Variants in ENAM observed in about 807,000 individuals in gnomAD.
ENAM encodes the protein enamelin, also known as amelogenesis imperfecta 2, hypocalcification (autosomal dominant).
Under a neutral mutation model 33.6 loss-of-function variants are expected in ENAM, and 21 were observed. The observed-to-expected ratio is 0.63, with a 90% CI of 0.44 to 0.90. The LOEUF (loss-of-function observed/expected upper bound fraction) is 0.90. ENAM is among the 40% of genes least tolerant of loss of function. ENAM has a pLI of 0.00. For missense variants in ENAM, 1,388 were observed against 1,366.9 expected, an observed-to-expected ratio of 1.02 and a Z score of -0.24; for synonymous variants, 473 against 468.4, an observed-to-expected ratio of 1.01 and a Z score of -0.13.
At chr4:70,641,487 A>G (rs1242456602) in intron 8 of ENAM, among the ~76,000 whole-genome samples, 1 of 150,612 alleles carries the variant, frequency 6.6e-6, no homozygotes, top group Non-Finnish European at 1.5e-5. Context: ...TCCTGGGTTC[A>G]GGCGATTCTC....
intron 6 of ENAM, 79 bp from the exon 7 acceptor site, chr4:70,635,753 T>C (rs988249586): frequency 3.3e-6 from 3 of 903,260 alleles, no homozygotes; most frequent in African/African-American, 3.3e-5. Flanking sequence ...CAAGTTTCAA[T>C]TGTATTTAGT....
In ENAM at chr4:70,631,855, A is replaced by G. The variant is rs1738331932; in HGVS notation, c.130A>G (p.Met44Val). 2 of 1,614,084 alleles carry G rather than the reference A, an allele frequency of 1.2e-6. No individual in the cohort carries two copies. The highest frequency in any genetic ancestry group is 1.7e-6 in the Non-Finnish European group (2 of 1,179,946). The stretch of plus-strand genomic sequence containing the variant: ...GACATTCTCTTACTTCCAGATGCAC[A>G]TGCCCCGAATGCCTGGATTTAGCAG... ...LGNSVAMPMH[M>V]PRMPGFSSKS... Residue 44 changes from methionine (M) to valine (V), a missense_variant, in exon 4 of 9, where the codon ATG becomes GTG. Physicochemically the swap from Met to Val is conservative, Grantham distance 21. Coordinates refer to ENST00000396073, the MANE Select transcript of ENAM (RefSeq NM_031889.3).
chr4:70,637,850 AC>A lies in ENAM; in HGVS notation c.588+8del. On this transcript the variant is annotated splice_region_variant and intron_variant, in intron 8 of 8. Coordinates refer to ENST00000396073, the MANE Select transcript of ENAM (RefSeq NM_031889.3). ...CAGCAATGAAGAAGGGGGGGTAAGT[AC>A]AAGTAAAACTACATTCTCCACTAGA... 1.2e-6 allele frequency: 2 copies of A among 1,600,216 alleles called. No individual in the cohort carries two copies. The highest frequency in any genetic ancestry group is 1.7e-6 in the Non-Finnish European group (2 of 1,167,268).
chr4:70,637,642 G>C, intron 7 of ENAM, 148 bp from the exon 8 acceptor site: 1 of 726,284 alleles, frequency 1.4e-6, no homozygotes, highest in Non-Finnish European at 2.5e-6. Flanking sequence ...TGGACTGTGA[G>C]AGCTAATAAC....
intron 6 of ENAM, among the ~76,000 whole-genome samples, chr4:70,635,421 A>AT (rs1738426889): frequency 6.6e-6 from 1 of 152,192 alleles, no homozygotes; most frequent in African/African-American, 2.4e-5. Context: ...GTTAACACTT[A>AT]TTATCAGACA....
In ENAM at chr4:70,645,857, G is replaced by C. The variant is rs1335459741; in HGVS notation, c.*1002G>C. On this transcript the variant is annotated 3_prime_UTR_variant, in exon 9 of 9. Transcript: ENST00000396073. The stretch of plus-strand genomic sequence containing the variant: ...TAGAGAGACGTATTTAAGGAGAAGG[G>C]AAGGCAGGATACCCAGAACTAGCAG... The C allele has an allele frequency of 6.6e-6, 1 of 152,190 alleles. No individual in the cohort carries two copies. Among genetic ancestry groups the C allele is most frequent in the African/African-American group, 2.4e-5 (1 of 41,444 alleles). The allele number at this position is 152,190 out of a possible 1,614,324, so 9.4% of individuals were successfully genotyped here. A position where few individuals can be genotyped will look rare whatever the true frequency, so the allele number is the denominator to read the frequency against.
chr4:70,635,988 A>G (rs1560401606), intron 7 of ENAM, 94 bp downstream of exon 7: 1 of 662,098 alleles, frequency 1.5e-6, no homozygotes. Context: ...CTAATGGAAT[A>G]CCATATACCA....
At chr4:70,630,702 C>T (rs549684018) in intron 2 of ENAM, among the ~76,000 whole-genome samples, 1 of 151,820 alleles carries the variant, frequency 6.6e-6, no homozygotes, top group South Asian at 2.1e-4. Context: ...CTGCCTATTT[C>T]CTATTTCTTC....
intron 7 of ENAM, 132 bp from the exon 8 acceptor site, chr4:70,637,658 C>T (rs1218381302): frequency 3.9e-6 from 3 of 764,152 alleles, no homozygotes; most frequent in East Asian, 2.4e-5. Context: ...ATAACTCAAA[C>T]GCTAAAAGCT....
At position 70,645,027 on chromosome 4, in the gene ENAM, G is replaced by C; in HGVS notation, c.*172G>C. 1.5e-6 allele frequency: 1 copy of C among 646,704 alleles called. No individual in the cohort carries two copies. Among genetic ancestry groups the C allele is most frequent in the Non-Finnish European group, 2.8e-6 (1 of 359,872 alleles). The allele number at this position is 646,704 out of a possible 1,614,324, so 40.1% of individuals were successfully genotyped here. On this transcript the variant is annotated 3_prime_UTR_variant, in exon 9 of 9. Transcript: ENST00000396073. Reference sequence around the variant, plus strand: ...GCGACCCAGGTGGAGCTGAGATTAGGCCTCTGGGGATCACCAGATCTAGCA... The same window carrying C: ...GCGACCCAGGTGGAGCTGAGATTAGCCCTCTGGGGATCACCAGATCTAGCA...
rs778378990 is a variant in ENAM at position 70,637,840 on chromosome 4, G to C, written c.585G>C (p.Gly195=). The C allele has an allele frequency of 1.1e-5, 17 of 1,610,498 alleles. No individual in the cohort carries two copies. The highest frequency in any genetic ancestry group is 5.5e-5 in the South Asian group (5 of 91,038). The part of the protein sequence containing the change: ...YGRPPISNEE[G]GNPYFGYFGY... The stretch of plus-strand genomic sequence containing the variant: ...GCCCACCAATCAGCAATGAAGAAGG[G>C]GGGGTAAGTACAAGTAAAACTACAT... The change falls in exon 8 of 9, where the codon GGG becomes GGC. Residue 195 remains glycine (G), a synonymous_variant. Coordinates refer to ENST00000396073, the MANE Select transcript of ENAM (RefSeq NM_031889.3).
At chr4:70,638,739 TG>T (rs1179506222) in intron 8 of ENAM, among the ~76,000 whole-genome samples, 15 of 151,976 alleles carry the variant, frequency 9.9e-5, no homozygotes, top group Non-Finnish European at 1.5e-4. Context: ...GTTGCTCCTC[TG>T]CTCAGTCCCT....
chr4:70,635,645 G>A (rs1484396770), intron 6 of ENAM, among the ~76,000 whole-genome samples, 187 bp from the exon 7 acceptor site: 1 of 152,162 alleles, frequency 6.6e-6, no homozygotes, highest in Non-Finnish European at 1.5e-5. Flanking sequence ...TCAGCACAGA[G>A]CCTGGAATGT....
rs777122356 is a variant in ENAM, at chr4:70,629,480, A to T, written c.-21A>T. On this transcript the variant is annotated 5_prime_UTR_variant, in exon 2 of 9. Coordinates refer to ENST00000396073, the MANE Select transcript of ENAM (RefSeq NM_031889.3). Reference sequence around the variant, plus strand: ...AAAGCTGTATTTTTCTTAAAGGCTTATAAAAATTTTGCTGAAAAAAATGTT... The same window carrying T: ...AAAGCTGTATTTTTCTTAAAGGCTTTTAAAAATTTTGCTGAAAAAAATGTT... 1.9e-6 allele frequency: 3 copies of T among 1,603,452 alleles called. No homozygotes were observed. Among genetic ancestry groups the T allele is most frequent in the East Asian group, 4.5e-5 (2 of 44,808 alleles).
chr4:70,642,331 G>C lies in ENAM; in HGVS notation c.905G>C (p.Gly302Ala). The change falls in exon 9 of 9, where the codon GGG becomes GCG. Residue 302 changes from glycine (G) to alanine (A), a missense_variant. Coordinates refer to ENST00000396073, the MANE Select transcript of ENAM (RefSeq NM_031889.3). Reference protein sequence around the residue: ...LPAVNASGQGGPGSQIPWRPS... With the variant: ...LPAVNASGQGAPGSQIPWRPS... Reference sequence around the variant, plus strand: ...GCAGTCAACGCTTCAGGCCAGGGAGGGCCAGGAAGTCAAATCCCATGGAGA... The same window carrying C: ...GCAGTCAACGCTTCAGGCCAGGGAGCGCCAGGAAGTCAAATCCCATGGAGA... 1 of 1,614,034 alleles carries C rather than the reference G, an allele frequency of 6.2e-7. No individual in the cohort carries two copies. Among genetic ancestry groups the C allele is most frequent in the Non-Finnish European group, 8.5e-7 (1 of 1,179,994 alleles).
chr4:70,635,944 T>C, intron 7 of ENAM, 50 bp downstream of exon 7: 1 of 956,742 alleles, frequency 1.0e-6, no homozygotes, highest in South Asian at 1.5e-5. Flanking sequence ...AATATTAGTA[T>C]GTTATAATTT....
chr4:70,645,208 G>T lies in ENAM; in HGVS notation c.*353G>T. On this transcript the variant is annotated 3_prime_UTR_variant, in exon 9 of 9. Transcript: ENST00000396073. ...CTTGCAAAATTGGTTTTTCAAGACTGAAAGGCAGATTAACTTTCCATTCTA... is the reference window on the plus strand; with the variant it reads ...CTTGCAAAATTGGTTTTTCAAGACTTAAAGGCAGATTAACTTTCCATTCTA... The T allele has an allele frequency of 4.4e-6, 2 of 457,030 alleles. No homozygotes were observed. Among genetic ancestry groups the T allele is most frequent in the South Asian group, 3.3e-5 (1 of 29,994 alleles). 28.3% of individuals were successfully genotyped at this position (457,030 alleles called of 1,614,324 possible). A position where few individuals can be genotyped will look rare whatever the true frequency, so the allele number is the denominator to read the frequency against.
At position 70,645,234 on chromosome 4, in the gene ENAM, CTT is replaced by C; in HGVS notation, c.*380_*381del. On this transcript the variant is annotated 3_prime_UTR_variant, in exon 9 of 9. Transcript: ENST00000396073. Reference sequence around the variant, plus strand: ...AAAGGCAGATTAACTTTCCATTCTACTTATGGAGATCCACACATCAGTATAGT... The same window carrying C: ...AAAGGCAGATTAACTTTCCATTCTACATGGAGATCCACACATCAGTATAGT... 2 of 280,492 alleles carry C rather than the reference CTT, an allele frequency of 7.1e-6. No individual in the cohort carries two copies. The highest frequency in any genetic ancestry group is 1.3e-5 in the Non-Finnish European group (2 of 150,536). 17.4% of individuals were successfully genotyped at this position (280,492 alleles called of 1,614,324 possible).
chr4:70,643,530 T>C lies in ENAM; in HGVS notation c.2104T>C (p.Tyr702His). The change falls in exon 9 of 9, where the codon TAT becomes CAT. Residue 702 changes from tyrosine to histidine, a missense_variant. Tyr to His is a moderately conservative substitution (Grantham distance 83). Transcript: ENST00000396073. ...AAATCAGCCAAAGGAATATCTTCCC[T>C]ATTCTTTAGATAATCCATCAAAACC... is the stretch of plus-strand genomic sequence containing the variant. ...TSNQPKEYLP[Y>H]SLDNPSKPRE... 1 of 1,614,054 alleles carries C rather than the reference T, an allele frequency of 6.2e-7. No individual in the cohort carries two copies. Among genetic ancestry groups the C allele is most frequent in the Non-Finnish European group, 8.5e-7 (1 of 1,179,908 alleles).
Sources: allele counts gnomAD v4.1 joint callset (sites outside exome capture counted in the v4.1 genomes callset), GRCh38; gene constraint gnomAD v4.1.1; transcripts MANE v1.5; gene names NCBI Gene and HGNC (gene_info 2026-07-23, HGNC 2026-07-21).